Variants in DCLK1 observed in about 807,000 individuals in gnomAD.
DCLK1 encodes the protein doublecortin like kinase 1.
A neutral mutation model predicts 86.2 loss-of-function variants in DCLK1; 16 were observed. The ratio of observed to expected loss-of-function variants is 0.19; its 90% CI spans 0.13 to 0.28. The LOEUF is 0.28. DCLK1 is among the 10% of genes least tolerant of loss of function. DCLK1 has a pLI of 1.00. For synonymous variants in DCLK1, 369 were observed against 370.5 expected, an observed-to-expected ratio of 1.00 and a Z score of 0.05; for missense variants, 590 against 940.2, an observed-to-expected ratio of 0.63 and a Z score of 4.87.
intron 3 of DCLK1, among the ~76,000 whole-genome samples, chr13:36,070,920 C>CA (rs1016367958): frequency 6.5e-4 from 99 of 152,306 alleles, no homozygotes; most frequent in African/African-American, 2.3e-3. Context: ...ACTGGGATTA[C>CA]AGGCGTGAGC....
chr13:36,066,753 G>C (rs1593859940), intron 3 of DCLK1, among the ~76,000 whole-genome samples: 1 of 152,026 alleles, frequency 6.6e-6, no homozygotes, highest in South Asian at 2.1e-4. Context: ...CGAAGGACAT[G>C]AACAGACACT....
intron 3 of DCLK1, among the ~76,000 whole-genome samples, chr13:35,956,258 A>T (rs1344711715): frequency 6.6e-6 from 1 of 152,174 alleles, no homozygotes; most frequent in Non-Finnish European, 1.5e-5. Context: ...AAGCCCAGGA[A>T]ATTGGCTTAT....
intron 6 of DCLK1, chr13:35,846,772 G>A (rs779642181): frequency 4.1e-6 from 4 of 985,090 alleles, no homozygotes; most frequent in South Asian, 4.7e-5. Flanking sequence ...ATGCATAAAT[G>A]AGCAAATGTA....
intron 7 of DCLK1, among the ~76,000 whole-genome samples, 200 bp downstream of exon 7, chr13:35,838,892 G>A (rs1869590185): frequency 6.6e-6 from 1 of 152,080 alleles, no homozygotes; most frequent in South Asian, 2.1e-4. Flanking sequence ...TCCGAAATGG[G>A]CCAACTTCCC....
chr13:36,005,119 C>T (rs1335167647), intron 3 of DCLK1, among the ~76,000 whole-genome samples: 1 of 152,034 alleles, frequency 6.6e-6, no homozygotes, highest in Non-Finnish European at 1.5e-5. Flanking sequence ...ACTGCCAAAA[C>T]TGCAGTCAAA....
intron 6 of DCLK1, among the ~76,000 whole-genome samples, chr13:35,845,702 T>C (rs867637926): frequency 2.0e-5 from 3 of 152,234 alleles, no homozygotes; most frequent in African/African-American, 7.2e-5. Context: ...TCTTATTTTG[T>C]TATTACTGTC....
chr13:35,794,718 G>A (rs948446943), intron 15 of DCLK1, among the ~76,000 whole-genome samples: 1 of 152,238 alleles, frequency 6.6e-6, no homozygotes, highest in Non-Finnish European at 1.5e-5. Context: ...TAACGGGCCT[G>A]TTCCAAGGCA....
chr13:35,771,065 A>C lies in DCLK1; in HGVS notation c.*3470T>G, dbSNP rs147648661. On this transcript the variant is annotated 3_prime_UTR_variant, in exon 17 of 17. Coordinates refer to ENST00000360631, the MANE Select transcript of DCLK1 (RefSeq NM_001330071.2). ...CCTCAGCACGATTGAGCTTCAGCGC[A>C]AGGGATAGAGTTGTCTAGTGGACGC... The C allele has an allele frequency of 2.6e-5, 4 of 152,348 alleles. No homozygotes were observed. The East Asian group carries it at 5.8e-4, about 22-fold the overall frequency. The allele number at this position is 152,348 out of a possible 1,614,324, so 9.4% of individuals were successfully genotyped here.
chr13:35,936,201 A>G (rs184884768), intron 4 of DCLK1, among the ~76,000 whole-genome samples: 1 of 152,320 alleles, frequency 6.6e-6, no homozygotes. Flanking sequence ...GTCAAGAAGG[A>G]TAAAGAAGAA....
intron 4 of DCLK1, among the ~76,000 whole-genome samples, chr13:35,875,117 C>G (rs1360821933): frequency 2.0e-5 from 3 of 152,098 alleles, no homozygotes; most frequent in Non-Finnish European, 4.4e-5. Flanking sequence ...TTTCATGGAC[C>G]TCATGTTTGA....
chr13:35,793,342 T>C (rs2086743111), intron 16 of DCLK1, 24 bp downstream of exon 16: 2 of 1,585,708 alleles, frequency 1.3e-6, no homozygotes, highest in Non-Finnish European at 1.7e-6. Flanking sequence ...AAAAAAGTTA[T>C]AGGTGGATAT....
At chr13:36,127,734 A>G (rs538556692) in intron 1 of DCLK1, among the ~76,000 whole-genome samples, 2 of 152,114 alleles carry the variant, frequency 1.3e-5, no homozygotes, top group Non-Finnish European at 2.9e-5. Flanking sequence ...CCTGATCTCC[A>G]TCTCATGACC....
intron 3 of DCLK1, among the ~76,000 whole-genome samples, chr13:36,045,340 A>ATC (rs765084884): frequency 0.17 from 16,439 of 96,804 alleles, 1,698 homozygotes; most frequent in East Asian, 0.39. Context: ...GTGTATATAT[A>ATC]TATATATATA....
chr13:35,804,828 ATAGT>A (rs2086993451), intron 15 of DCLK1, among the ~76,000 whole-genome samples: 1 of 152,226 alleles, frequency 6.6e-6, no homozygotes, highest in African/African-American at 2.4e-5. Context: ...GAATTCCTTC[ATAGT>A]TAATGAAATA....
At chr13:35,851,013 C>A (rs113135629) in intron 6 of DCLK1, among the ~76,000 whole-genome samples, 1 of 152,316 alleles carries the variant, frequency 6.6e-6, no homozygotes, top group African/African-American at 2.4e-5. Context: ...TAATCTTTTG[C>A]CTTCCTTGAT....
At chr13:35,777,435 C>T (rs1284559472) in intron 16 of DCLK1, among the ~76,000 whole-genome samples, 2 of 152,176 alleles carry the variant, frequency 1.3e-5, no homozygotes, top group Admixed American at 6.5e-5. Context: ...CAGTTTCTTC[C>T]CATTTACTCT....
At chr13:35,823,014 T>G (rs1179590480) in intron 10 of DCLK1, 139 bp from the exon 11 acceptor site, 11 of 1,050,960 alleles carry the variant, frequency 1.0e-5, no homozygotes, top group Non-Finnish European at 4.1e-6. Flanking sequence ...TCCTGCTACT[T>G]TCCTTTCAAA....
intron 3 of DCLK1, among the ~76,000 whole-genome samples, chr13:35,954,749 A>T (rs1288548087): frequency 6.6e-6 from 1 of 152,138 alleles, no homozygotes; most frequent in Non-Finnish European, 1.5e-5. Flanking sequence ...AAAATAAATT[A>T]GTTAAATAAT....
intron 3 of DCLK1, among the ~76,000 whole-genome samples, chr13:35,952,888 G>A (rs1046437160): frequency 1.3e-5 from 2 of 152,134 alleles, no homozygotes; most frequent in African/African-American, 4.8e-5. Context: ...ATTGCCAGAT[G>A]TGCTGGGAAA....
Sources: allele counts gnomAD v4.1 joint callset (sites outside exome capture counted in the v4.1 genomes callset), GRCh38; gene constraint gnomAD v4.1.1; transcripts MANE v1.5; gene names NCBI Gene and HGNC (gene_info 2026-07-23, HGNC 2026-07-21).